Variants in SCAI observed in about 807,000 individuals in gnomAD.
SCAI encodes the protein protein SCAI.
In SCAI, 24 loss-of-function variants were observed where a neutral mutation model predicts 92.2. The observed-to-expected ratio is 0.26, with a 90% CI of 0.19 to 0.37. SCAI has a LOEUF of 0.37. SCAI is among the 10% of genes least tolerant of loss of function. SCAI has a pLI of 1.00. For synonymous variants in SCAI, 261 were observed against 258.6 expected (o/e 1.01, Z -0.09); for missense variants, 450 against 736.2 (o/e 0.61, Z 4.50).
At chr9:125,135,981 A>AC (rs1564136250) in intron 2 of SCAI, among the ~76,000 whole-genome samples, 2 of 151,766 alleles carry the variant, frequency 1.3e-5, no homozygotes, top group African/African-American at 4.8e-5. Context: ...CAAAAAAAAA[A>AC]AAAACAAAAA....
chr9:125,016,775 A>G (rs995583991), intron 9 of SCAI, among the ~76,000 whole-genome samples: 10 of 152,160 alleles, frequency 6.6e-5, no homozygotes, highest in African/African-American at 1.9e-4. Context: ...GATATCATAG[A>G]TCTAAATATG....
intron 3 of SCAI, among the ~76,000 whole-genome samples, chr9:125,054,270 T>C (rs933008433): frequency 3.3e-5 from 5 of 152,200 alleles, no homozygotes; most frequent in East Asian, 1.9e-4. Flanking sequence ...CCACTGCGCC[T>C]GGCCTCTTCT....
At chr9:125,101,411 T>C (rs1474549125) in intron 2 of SCAI, among the ~76,000 whole-genome samples, 1 of 152,122 alleles carries the variant, frequency 6.6e-6, no homozygotes, top group African/African-American at 2.4e-5. Context: ...TTCCTAGAGA[T>C]AGAGCTGAGA....
intron 7 of SCAI, among the ~76,000 whole-genome samples, chr9:125,019,680 A>G (rs1832830228): frequency 1.3e-5 from 2 of 152,076 alleles, no homozygotes; most frequent in Admixed American, 1.3e-4. Flanking sequence ...CTTTATTTGG[A>G]TTTGTATTAT....
intron 3 of SCAI, among the ~76,000 whole-genome samples, chr9:125,044,452 C>A (rs1833394828): frequency 6.6e-6 from 1 of 152,080 alleles, no homozygotes; most frequent in African/African-American, 2.4e-5. Context: ...CAGGAAGGAG[C>A]AACTACTACA....
chr9:125,029,742 G>A lies in SCAI; in HGVS notation c.231-3C>T. ...TCTGTCCATATTGTGGCAAATCTCT[G>A]TAATAGTAAATGAGTATGTATTAAT... On this transcript the variant is annotated splice_polypyrimidine_tract_variant and splice_region_variant and intron_variant, in intron 3 of 17. Transcript: ENST00000336505. 1.9e-6 allele frequency: 3 copies of A among 1,571,176 alleles called. No individual in the cohort carries two copies. The highest frequency in any genetic ancestry group is 8.7e-7 in the Non-Finnish European group (1 of 1,144,516).
At chr9:124,969,461 A>G (rs1831609940) in intron 17 of SCAI, among the ~76,000 whole-genome samples, 1 of 152,234 alleles carries the variant, frequency 6.6e-6, no homozygotes. Flanking sequence ...ACAGCTAGAA[A>G]ACTGGACTAT....
intron 2 of SCAI, chr9:125,066,031 A>G: frequency 1.3e-6 from 1 of 772,292 alleles, no homozygotes. Context: ...GAGATTGTGA[A>G]TGACTGCTAT....
At chr9:124,958,738 C>G (rs1370732629) in intron 17 of SCAI, among the ~76,000 whole-genome samples, 2 of 151,936 alleles carry the variant, frequency 1.3e-5, no homozygotes, top group Non-Finnish European at 1.5e-5. Context: ...GAAAACCCCT[C>G]TCTACTAAAA....
intron 15 of SCAI, among the ~76,000 whole-genome samples, chr9:124,972,412 G>A (rs548251689): frequency 6.6e-5 from 10 of 152,266 alleles, no homozygotes; most frequent in African/African-American, 2.4e-4. Context: ...CACTAAAAAC[G>A]TGACTAGATG....
intron 17 of SCAI, among the ~76,000 whole-genome samples, chr9:124,964,528 A>G (rs1831501944): frequency 1.3e-5 from 2 of 152,068 alleles, no homozygotes; most frequent in Non-Finnish European, 2.9e-5. Flanking sequence ...GGCTTTCATG[A>G]TGTTCTCTCC....
intron 9 of SCAI, among the ~76,000 whole-genome samples, chr9:125,011,693 T>C (rs1158066319): frequency 6.6e-6 from 1 of 152,136 alleles, no homozygotes; most frequent in Admixed American, 6.5e-5. Context: ...GCCACAAAGA[T>C]ATTCCTCGAG....
chr9:125,047,687 C>G (rs560775137), intron 3 of SCAI, among the ~76,000 whole-genome samples: 10 of 152,236 alleles, frequency 6.6e-5, no homozygotes, highest in Middle Eastern at 3.4e-3. Context: ...GGAATTTTGC[C>G]TGAGCAAACA....
intron 3 of SCAI, among the ~76,000 whole-genome samples, chr9:125,045,331 G>T (rs539947154): frequency 6.6e-6 from 1 of 152,286 alleles, no homozygotes; most frequent in African/African-American, 2.4e-5. Flanking sequence ...CTCCCAAAGT[G>T]CTGGGATTAT....
chr9:125,139,059 AG>A (rs1329764972), intron 2 of SCAI, among the ~76,000 whole-genome samples: 1 of 152,146 alleles, frequency 6.6e-6, no homozygotes, highest in Non-Finnish European at 1.5e-5. Flanking sequence ...GTCTTAAAGG[AG>A]GGGGCTTGTC....
intron 14 of SCAI, among the ~76,000 whole-genome samples, chr9:124,992,489 T>G (rs1832148979): frequency 6.6e-6 from 1 of 151,966 alleles, no homozygotes; most frequent in Non-Finnish European, 1.5e-5. Flanking sequence ...GTTCAAGCGA[T>G]TCTCCTGCCT....
chr9:125,063,225 A>G (rs1252153860), intron 2 of SCAI, among the ~76,000 whole-genome samples: 1 of 151,586 alleles, frequency 6.6e-6, no homozygotes, highest in East Asian at 1.9e-4. Context: ...CCTGGCCAAC[A>G]TGGCAAAACA....
At position 124,951,712 on chromosome 9, in the gene SCAI, A is replaced by T. The variant is rs1197494206; in HGVS notation, c.*1095T>A. ...CTTCATAGCAAGTGACTGTGAAATT[A>T]TAAAGGGAATGACAGGGAAGGAAAA... is the stretch of plus-strand genomic sequence containing the variant. On this transcript the variant is annotated 3_prime_UTR_variant, in exon 18 of 18. Coordinates refer to ENST00000336505, the MANE Select transcript of SCAI (RefSeq NM_001144877.3). 2 of 152,192 alleles carry T rather than the reference A, an allele frequency of 1.3e-5. No homozygotes were observed. The highest frequency in any genetic ancestry group is 4.8e-5 in the African/African-American group (2 of 41,436). The allele number at this position is 152,192 out of a possible 1,614,324, so 9.4% of individuals were successfully genotyped here. A position where few individuals can be genotyped will look rare whatever the true frequency, so the allele number is the denominator to read the frequency against.
intron 17 of SCAI, among the ~76,000 whole-genome samples, chr9:124,953,710 G>A (rs1179117162): frequency 6.6e-6 from 1 of 152,024 alleles, no homozygotes; most frequent in Non-Finnish European, 1.5e-5. Context: ...ACCGTGCCCG[G>A]CCTAGAAATT....
Sources: allele counts gnomAD v4.1 joint callset (sites outside exome capture counted in the v4.1 genomes callset), GRCh38; gene constraint gnomAD v4.1.1; transcripts MANE v1.5; gene names NCBI Gene and HGNC (gene_info 2026-07-23, HGNC 2026-07-21).